The following SLC24A4 variants were observed in gnomAD, a reference collection of about 807,000 sequenced individuals.
SLC24A4 encodes solute carrier family 24 member 4.
In SLC24A4, 53 loss-of-function variants were observed where a neutral mutation model predicts 79.0. The ratio of observed to expected loss-of-function variants is 0.67; its 90% CI spans 0.54 to 0.84. The LOEUF (loss-of-function observed/expected upper bound fraction) is 0.84, where lower values mean the gene tolerates loss of function less well. Ranked by LOEUF, SLC24A4 falls within the 40% of genes least tolerant of loss-of-function variation. SLC24A4 has a pLI of 0.00. For missense variants in SLC24A4, 731 were observed against 822.0 expected, an observed-to-expected ratio of 0.89 and a Z score of 1.35; for synonymous variants, 323 against 323.8, an observed-to-expected ratio of 1.00 and a Z score of 0.03.
intron 2 of SLC24A4, among the ~76,000 whole-genome samples, chr14:92,362,980 G>C (rs973600912): frequency 6.6e-6 from 1 of 152,178 alleles, no homozygotes; most frequent in Non-Finnish European, 1.5e-5. Context: ...CAGCCTGCCC[G>C]ACTTCTCTCA....
intron 12 of SLC24A4, among the ~76,000 whole-genome samples, chr14:92,479,701 C>T (rs117774266): frequency 3.9e-5 from 6 of 152,234 alleles, no homozygotes; most frequent in Non-Finnish European, 7.4e-5. Flanking sequence ...CGTTTGGTAT[C>T]GAAGTAATAC....
In SLC24A4 at chr14:92,468,471, C is replaced by T. The variant is rs185022623; in HGVS notation, c.1255+11863C>T. On this transcript the variant is annotated intron_variant, in intron 12 of 16. Coordinates refer to ENST00000532405, the MANE Select transcript of SLC24A4 (RefSeq NM_153646.4). ...TAGCCAAAACAGTCTTTAAAAAGAA[C>T]AAAGTTGGAGAACTCAAACTTCTGC... Among the ~76,000 whole-genome samples, 40 of 152,238 alleles carry T rather than the reference C, an allele frequency of 2.6e-4. No homozygotes were observed. In the East Asian group the frequency reaches 7.1e-3, roughly 27 times the overall value.
intron 2 of SLC24A4, among the ~76,000 whole-genome samples, chr14:92,328,798 G>T (rs1318501897): frequency 6.6e-6 from 1 of 152,262 alleles, no homozygotes; most frequent in Non-Finnish European, 1.5e-5. Flanking sequence ...CTGGGCCCAG[G>T]ACTGGCTTAG....
At chr14:92,452,729 T>C (rs528287154) in intron 10 of SLC24A4, 2 of 152,456 alleles carry the variant, frequency 1.3e-5, no homozygotes, top group African/African-American at 4.8e-5. Context: ...ACCAACGCAC[T>C]GCGCGCCTCG....
intron 2 of SLC24A4, among the ~76,000 whole-genome samples, chr14:92,433,130 GT>G (rs1382922091): frequency 1.3e-5 from 2 of 152,158 alleles, no homozygotes; most frequent in Non-Finnish European, 2.9e-5. Flanking sequence ...GAAGCTTCCA[GT>G]TTAGCTGGTG....
At chr14:92,334,308 T>G (rs1328643990) in intron 2 of SLC24A4, among the ~76,000 whole-genome samples, 1 of 152,172 alleles carries the variant, frequency 6.6e-6, no homozygotes, top group African/African-American at 2.4e-5. Context: ...GCCAGGCAGC[T>G]TCTTGGGGAA....
intron 2 of SLC24A4, among the ~76,000 whole-genome samples, chr14:92,331,693 C>T (rs1885487029): frequency 1.3e-5 from 2 of 152,200 alleles, no homozygotes; most frequent in Non-Finnish European, 1.5e-5. Context: ...TCACTTTTTC[C>T]ATCTGTAAAA....
chr14:92,367,614 A>G (rs1032350418), intron 2 of SLC24A4, among the ~76,000 whole-genome samples: 5 of 152,214 alleles, frequency 3.3e-5, no homozygotes, highest in African/African-American at 1.2e-4. Context: ...CAGAGCTGGA[A>G]AAAGAGAGTA....
At chr14:92,406,713 C>T (rs184772500) in intron 2 of SLC24A4, among the ~76,000 whole-genome samples, 23 of 152,286 alleles carry the variant, frequency 1.5e-4, no homozygotes, top group African/African-American at 5.5e-4. Flanking sequence ...ACTCTGGGTG[C>T]CATGTCCTGA....
intron 2 of SLC24A4, among the ~76,000 whole-genome samples, chr14:92,376,772 C>T (rs1191110642): frequency 2.6e-5 from 4 of 152,344 alleles, no homozygotes; most frequent in South Asian, 2.1e-4. Flanking sequence ...GGTTCTCAGT[C>T]ACCTCACTGA....
At position 92,347,318 on chromosome 14, in the gene SLC24A4, G is replaced by T. The variant is rs551422715; in HGVS notation, c.241+21340G>T. 2.6e-5 allele frequency among the ~76,000 whole-genome samples: 4 copies of T among 152,208 alleles called. No homozygotes were observed. The South Asian group carries it at 8.3e-4, about 32-fold the overall frequency. On this transcript the variant is annotated intron_variant, in intron 2 of 16. Transcript: ENST00000532405. ...TTTCAAGGAGCCAAAGGCATTAGGA[G>T]ACTGGTGTGTCCATTCGTGATATAA...
chr14:92,481,475 T>G (rs1895070374), intron 12 of SLC24A4, among the ~76,000 whole-genome samples: 3 of 151,952 alleles, frequency 2.0e-5, no homozygotes, highest in Admixed American at 2.0e-4. Flanking sequence ...GAAAGTGGAG[T>G]CTTCTAAGAA....
intron 2 of SLC24A4, among the ~76,000 whole-genome samples, chr14:92,427,293 C>T (rs1427691917): frequency 6.6e-6 from 1 of 152,256 alleles, no homozygotes; most frequent in Non-Finnish European, 1.5e-5. Flanking sequence ...TGAACACCTA[C>T]TTCGTGCCAG....
intron 2 of SLC24A4, among the ~76,000 whole-genome samples, chr14:92,408,623 C>T (rs1288424744): frequency 6.6e-6 from 1 of 152,126 alleles, no homozygotes; most frequent in African/African-American, 2.4e-5. Flanking sequence ...TTTTCAGCCT[C>T]AGTTTTCTCA....
In SLC24A4 at chr14:92,453,954, T is replaced by C. The variant is rs537661721; in HGVS notation, c.935T>C (p.Met312Thr). 4 of 1,613,598 alleles carry C rather than the reference T, an allele frequency of 2.5e-6. No individual in the cohort carries two copies. Among genetic ancestry groups the C allele is most frequent in the Non-Finnish European group, 3.4e-6 (4 of 1,179,776 alleles). ...CCCGTGGTGATGGTGGACGAGATTATGAGCTCCAGCCCTCCCAAGTTCACC... is the reference window on the plus strand; with the variant it reads ...CCCGTGGTGATGGTGGACGAGATTACGAGCTCCAGCCCTCCCAAGTTCACC... ...KNPVVMVDEIMSSSPPKFTFP... is the reference protein window; with the variant it reads ...KNPVVMVDEITSSSPPKFTFP... Residue 312 changes from methionine (M) to threonine (T), a missense_variant, in exon 11 of 17, where the codon ATG becomes ACG. Met to Thr is a moderately conservative substitution (Grantham distance 81). Coordinates refer to ENST00000532405, the MANE Select transcript of SLC24A4 (RefSeq NM_153646.4).
chr14:92,436,978 C>T (rs1892209671), intron 3 of SLC24A4, among the ~76,000 whole-genome samples: 1 of 152,180 alleles, frequency 6.6e-6, no homozygotes, highest in African/African-American at 2.4e-5. Context: ...GCCTCAGATG[C>T]CCTGGATGCA....
In SLC24A4 at chr14:92,361,789, T is replaced by C. The variant is rs1464340783; in HGVS notation, c.241+35811T>C. Among the ~76,000 whole-genome samples the C allele has an allele frequency of 5.3e-5, 8 of 152,092 alleles. No individual in the cohort carries two copies. The South Asian group carries it at 1.5e-3, about 28-fold the overall frequency. ...TGGTGGGCGCTGGTGTGGGGTCCGA[T>C]GATGCACTTGGCTTGAATGGTGTTG... On this transcript the variant is annotated intron_variant, in intron 2 of 16. Transcript: ENST00000532405.
intron 12 of SLC24A4, among the ~76,000 whole-genome samples, chr14:92,469,910 A>G (rs1222697797): frequency 6.6e-6 from 1 of 152,232 alleles, no homozygotes; most frequent in Non-Finnish European, 1.5e-5. Flanking sequence ...GCTGGAGGAA[A>G]TGAGGAATGG....
intron 13 of SLC24A4, 89 bp from the exon 14 acceptor site, chr14:92,486,577 T>TAGAG: frequency 1.3e-6 from 1 of 787,530 alleles, no homozygotes; most frequent in South Asian, 1.6e-5. Flanking sequence ...AACTGTTTCC[T>TAGAG]ACGCTTACAG....
Sources: allele counts gnomAD v4.1 joint callset (sites outside exome capture counted in the v4.1 genomes callset), GRCh38; gene constraint gnomAD v4.1.1; transcripts MANE v1.5; gene names NCBI Gene and HGNC (gene_info 2026-07-23, HGNC 2026-07-21).